TLK1: variants seen among roughly 807,000 people sequenced by gnomAD.
TLK1 encodes serine/threonine-protein kinase tousled-like 1.
TLK1 carries 24 observed loss-of-function variants against 105.3 expected under a neutral mutation model. That is an observed-to-expected ratio of 0.23 (90% CI 0.17 to 0.32). The LOEUF is 0.32. Ranked by LOEUF, TLK1 falls within the 10% of genes least tolerant of loss-of-function variation. The probability of loss-of-function intolerance (pLI) is 1.00; values close to 1 mark genes in which losing one functional copy is unlikely to be tolerated. For missense variants in TLK1, 558 were observed against 910.5 expected, an observed-to-expected ratio of 0.61 and a Z score of 4.98; for synonymous variants, 321 against 310.4, an observed-to-expected ratio of 1.03 and a Z score of -0.36.
At chr2:171,091,059 C>A (rs974198749) in intron 2 of TLK1, among the ~76,000 whole-genome samples, 9 of 152,094 alleles carry the variant, frequency 5.9e-5, no homozygotes, top group Admixed American at 5.2e-4. Context: ...TGGCCCTCTG[C>A]CTGGTTTTTA....
chr2:171,185,525 T>C (rs12469870), intron 1 of TLK1, among the ~76,000 whole-genome samples: 6,921 of 152,282 alleles, frequency 0.045, 465 homozygotes, highest in East Asian at 0.3. Context: ...CAGAGTGCAC[T>C]ACACTTTCAA....
At chr2:171,100,260 C>T (rs1400255021) in intron 2 of TLK1, among the ~76,000 whole-genome samples, 1 of 152,118 alleles carries the variant, frequency 6.6e-6, no homozygotes, top group Non-Finnish European at 1.5e-5. Context: ...TGTTCATCTC[C>T]ACCAAAACTC....
At chr2:171,158,764 G>A (rs922471677) in intron 1 of TLK1, among the ~76,000 whole-genome samples, 1 of 152,060 alleles carries the variant, frequency 6.6e-6, no homozygotes, top group African/African-American at 2.4e-5. Flanking sequence ...ATTTTAAACC[G>A]TTCATTTAAA....
chr2:171,020,974 G>C (rs1388639726), intron 12 of TLK1, among the ~76,000 whole-genome samples: 1 of 152,108 alleles, frequency 6.6e-6, no homozygotes, highest in Non-Finnish European at 1.5e-5. Flanking sequence ...TATCACCTCA[G>C]GTGTGTTCAA....
chr2:171,171,370 GAC>G (rs1692721987), intron 1 of TLK1, among the ~76,000 whole-genome samples: 1 of 151,868 alleles, frequency 6.6e-6, no homozygotes, highest in East Asian at 1.9e-4. Context: ...AAAAAGAAAA[GAC>G]AGTGAAAGGA....
At chr2:171,177,711 T>C (rs1407410121) in intron 1 of TLK1, among the ~76,000 whole-genome samples, 1 of 152,226 alleles carries the variant, frequency 6.6e-6, no homozygotes, top group Non-Finnish European at 1.5e-5. Context: ...CCCAAAAGGA[T>C]ATGGGAGCAT....
rs200127621 is a variant in TLK1, at chr2:171,014,918, G to T, written c.1267C>A (p.Arg423Ser). ...EEAEIQAELE[R>S]LERVRNLHIR... ...TGAAGATTTCTGACTCTTTCCAAAC[G>T]TTCAAGTTCTGCCTGGATTTCTGCC... Residue 423 changes from arginine to serine, a missense_variant, in exon 13 of 21, where the codon CGT (arginine) becomes AGT (serine). Around this residue, in one of 5 missense-constraint regions of TLK1, gnomAD observed 218 missense variants for 492.9 expected, o/e 0.44. Coordinates refer to ENST00000431350, the MANE Select transcript of TLK1 (RefSeq NM_012290.5). 3 of 1,613,764 alleles carry T rather than the reference G, an allele frequency of 1.9e-6. No individual in the cohort carries two copies. The highest frequency in any genetic ancestry group is 4.5e-5 in the East Asian group (2 of 44,860).
rs756400677 is a variant in TLK1, at chr2:171,217,240, T to C, written c.-6+13905A>G. ...ATTGAATGAATTCTTCCAACATTTA[T>C]GAAGGGATTGCTTTTTGCAATGATT... On this transcript the variant is annotated intron_variant, in intron 1 of 20. Transcript: ENST00000521943. 1.4e-4 allele frequency among the ~76,000 whole-genome samples: 22 copies of C among 152,334 alleles called. 1 individual carries two copies. The South Asian group carries it at 1.4e-3, about 10-fold the overall frequency.
rs1364694968 is a variant in TLK1 at position 171,006,888 on chromosome 2, G to A, written c.1510C>T (p.His504Tyr). ...RDEKKENYHKHACREYRIHKE... is the reference protein window; with the variant it reads ...RDEKKENYHKYACREYRIHKE... The stretch of plus-strand genomic sequence containing the variant: ...TGTATTCTATACTCTCTGCAGGCAT[G>A]TCTATGAGAAGACAGTGTATTAATT... The change falls in exon 16 of 21, where the codon CAT (histidine) becomes TAT (tyrosine). Residue 504 changes from histidine to tyrosine, a missense_variant and splice_region_variant. Coordinates refer to ENST00000431350, the MANE Select transcript of TLK1 (RefSeq NM_012290.5). 1 of 1,611,934 alleles carries A rather than the reference G, an allele frequency of 6.2e-7. No individual in the cohort carries two copies. The highest frequency in any genetic ancestry group is 1.7e-5 in the Admixed American group (1 of 59,842).
At chr2:171,099,920 T>C (rs769789510) in intron 2 of TLK1, among the ~76,000 whole-genome samples, 1 of 152,166 alleles carries the variant, frequency 6.6e-6, no homozygotes, top group African/African-American at 2.4e-5. Flanking sequence ...GAAGAAAGCA[T>C]AGGTATATAA....
chr2:171,067,879 T>C (rs1183980464), intron 3 of TLK1, among the ~76,000 whole-genome samples: 3 of 152,192 alleles, frequency 2.0e-5, no homozygotes, highest in African/African-American at 7.2e-5. Context: ...GTGTTTGGTC[T>C]TCTGTTCTTG....
At chr2:171,118,818 T>C (rs1437275160) in intron 1 of TLK1, among the ~76,000 whole-genome samples, 2 of 152,148 alleles carry the variant, frequency 1.3e-5, no homozygotes, top group Non-Finnish European at 2.9e-5. Flanking sequence ...GACATTCCTC[T>C]CCTAAAGGTT....
At chr2:171,065,726 G>A (rs890901321) in intron 3 of TLK1, among the ~76,000 whole-genome samples, 1 of 147,322 alleles carries the variant, frequency 6.8e-6, no homozygotes, top group African/African-American at 2.7e-5. Flanking sequence ...TTTTAGTAGA[G>A]GGGGGTTTCA....
At chr2:171,117,365 C>T (rs1387423165) in intron 2 of TLK1, among the ~76,000 whole-genome samples, 1 of 152,074 alleles carries the variant, frequency 6.6e-6, no homozygotes, top group Non-Finnish European at 1.5e-5. Flanking sequence ...TGGTCCTTGG[C>T]CCAGGGGTTG....
chr2:171,215,430 T>G (rs554682251), intron 1 of TLK1, among the ~76,000 whole-genome samples: 12 of 140,474 alleles, frequency 8.5e-5, no homozygotes, highest in Non-Finnish European at 1.3e-4. Context: ...TCTGAGGGAA[T>G]CAAGTCTGCA....
chr2:171,154,663 C>G (rs1216631988), intron 1 of TLK1, among the ~76,000 whole-genome samples: 2 of 152,200 alleles, frequency 1.3e-5, no homozygotes, highest in Non-Finnish European at 2.9e-5. Flanking sequence ...ACTACAATCA[C>G]TTTCTCCCCT....
intron 3 of TLK1, among the ~76,000 whole-genome samples, chr2:171,065,762 C>T (rs1322967038): frequency 6.6e-6 from 1 of 152,228 alleles, no homozygotes; most frequent in Non-Finnish European, 1.5e-5. Flanking sequence ...TGGTCTCGAT[C>T]TCCTGACCTA....
At chr2:171,194,857 T>C (rs1184136568) in intron 1 of TLK1, among the ~76,000 whole-genome samples, 1 of 151,298 alleles carries the variant, frequency 6.6e-6, no homozygotes, top group Non-Finnish European at 1.5e-5. Flanking sequence ...GCCATTGTAA[T>C]TATTTTTCAT....
chr2:171,003,001 G>A (rs1250074447), intron 18 of TLK1, among the ~76,000 whole-genome samples: 2 of 151,898 alleles, frequency 1.3e-5, no homozygotes, highest in Non-Finnish European at 2.9e-5. Flanking sequence ...TTCGCTGGGC[G>A]TGGTGGCTCA....
Sources: allele counts gnomAD v4.1 joint callset (sites outside exome capture counted in the v4.1 genomes callset), GRCh38; gene constraint gnomAD v4.1.1; regional missense constraint gnomAD v4.1.1; transcripts MANE v1.5; gene names NCBI Gene and HGNC (gene_info 2026-07-23, HGNC 2026-07-21).